Variants in PCDH7 observed in about 807,000 individuals in gnomAD.
PCDH7 encodes protocadherin 7.
PCDH7 carries 17 observed loss-of-function variants against 58.9 expected under a neutral mutation model. The observed-to-expected ratio is 0.29, with a 90% confidence interval of 0.20 to 0.43. PCDH7 has a LOEUF of 0.43. PCDH7 is among the 20% of genes least tolerant of loss of function. The pLI is 1.00. For synonymous variants in PCDH7, 664 were observed against 616.4 expected, an observed-to-expected ratio of 1.08 and a Z score of -1.14; for missense variants, 1,274 against 1,441.0, an observed-to-expected ratio of 0.88 and a Z score of 1.88.
At chr4:31,073,673 G>C (rs1383636333) in intron 3 of PCDH7, among the ~76,000 whole-genome samples, 2 of 152,152 alleles carry the variant, frequency 1.3e-5, no homozygotes, top group Non-Finnish European at 2.9e-5. Context: ...CACGGATCAA[G>C]ACTGAATACT....
chr4:30,905,557 T>C (rs1740811359), intron 1 of PCDH7, among the ~76,000 whole-genome samples: 1 of 152,196 alleles, frequency 6.6e-6, no homozygotes, highest in South Asian at 2.1e-4. Context: ...CCCAACTGGG[T>C]TTAATGCCTG....
intron 1 of PCDH7, among the ~76,000 whole-genome samples, chr4:30,728,829 A>G (rs1483730708): frequency 6.6e-6 from 1 of 150,828 alleles, no homozygotes; most frequent in African/African-American, 2.4e-5. Flanking sequence ...TATGTGAAAA[A>G]GTGTGAACAT....
At chr4:30,734,665 C>T (rs1297074445), downstream of PCDH7, among the ~76,000 whole-genome samples, 2 of 152,144 alleles carry the variant, frequency 1.3e-5, no homozygotes, top group Admixed American at 1.3e-4. Flanking sequence ...AGACATGAAG[C>T]TCAGAGGGAC....
chr4:30,721,398 G>T lies in PCDH7; in HGVS notation c.-25G>T, dbSNP rs117841610. On this transcript the variant is annotated 5_prime_UTR_variant, in exon 1 of 2. Coordinates refer to ENST00000361762, the Ensembl canonical transcript of PCDH7. This position sits in a 1 kb window ranked among gnomAD's most constrained non-coding sequence, Gnocchi z 6.7. ...GCCGAGGGGGCTGTGGTTAGAAGGA[G>T]CAGTAGCAGCAGCAGCAGGAGAAGA... 1.4e-6 allele frequency: 2 copies of T among 1,469,216 alleles called. No individual in the cohort carries two copies. Among genetic ancestry groups the T allele is most frequent in the Non-Finnish European group, 1.8e-6 (2 of 1,112,324 alleles). 91.0% of individuals were successfully genotyped at this position (1,469,216 alleles called of 1,614,324 possible).
chr4:31,120,510 G>C (rs1302650890), intron 3 of PCDH7, among the ~76,000 whole-genome samples: 1 of 141,424 alleles, frequency 7.1e-6, no homozygotes, highest in Non-Finnish European at 1.5e-5. Flanking sequence ...TAGGTATAAT[G>C]GAAAGAGGAG....
At chr4:30,736,599 G>T (rs1173911083), downstream of PCDH7, among the ~76,000 whole-genome samples, 5 of 147,648 alleles carry the variant, frequency 3.4e-5, no homozygotes, top group African/African-American at 1.0e-4. Flanking sequence ...GTAGTTCCGC[G>T]ATCTCGGCTC....
chr4:30,738,432 G>A (rs994676196), intron 1 of PCDH7, among the ~76,000 whole-genome samples: 1 of 150,664 alleles, frequency 6.6e-6, no homozygotes, highest in Non-Finnish European at 1.5e-5. Context: ...TCGTTTTTGT[G>A]AAAAATATAT....
chr4:31,032,331 G>A (rs1218037152), intron 3 of PCDH7, among the ~76,000 whole-genome samples: 1 of 152,152 alleles, frequency 6.6e-6, no homozygotes, highest in African/African-American at 2.4e-5. Context: ...TACATGGCTG[G>A]ACCTTGTGGC....
intron 1 of PCDH7, among the ~76,000 whole-genome samples, chr4:30,860,212 C>G (rs1023394991): frequency 3.9e-5 from 6 of 152,012 alleles, no homozygotes; most frequent in African/African-American, 7.2e-5. Context: ...AGTAATGGAG[C>G]ACCAGGTCTC....
chr4:31,037,308 A>T (rs1755497531), intron 3 of PCDH7, among the ~76,000 whole-genome samples: 1 of 152,230 alleles, frequency 6.6e-6, no homozygotes, highest in Admixed American at 6.5e-5. Context: ...ATTGTGAATT[A>T]AATTAAATAA....
chr4:31,118,600 T>C (rs1466735234), intron 3 of PCDH7, among the ~76,000 whole-genome samples: 1 of 152,152 alleles, frequency 6.6e-6, no homozygotes, highest in Non-Finnish European at 1.5e-5. Context: ...GTATCTAATT[T>C]CAAATCTGTT....
In PCDH7 at chr4:30,952,767, C is replaced by G. The variant is rs532540549; in HGVS notation, c.*7+2552C>G. ...TATGTTTTTAGGACTTTTTCTGTGA[C>G]AACAGTTTTTTTGAGAGCAAGATAC... On this transcript the variant is annotated intron_variant, in intron 3 of 3. Transcript: ENST00000509759. Among the ~76,000 whole-genome samples the G allele has an allele frequency of 4.5e-4, 69 of 152,164 alleles. 2 individuals are homozygous for G. In the South Asian group the frequency reaches 9.1e-3, roughly 20 times the overall value.
chr4:30,869,136 G>A (rs891585621), intron 1 of PCDH7: 2 of 151,990 alleles, frequency 1.3e-5, no homozygotes, highest in Non-Finnish European at 2.9e-5. Context: ...TCACGCAGCA[G>A]CATGCCACCC....
At chr4:30,981,284 A>T (rs1041507893) in intron 3 of PCDH7, among the ~76,000 whole-genome samples, 3 of 152,212 alleles carry the variant, frequency 2.0e-5, no homozygotes, top group Non-Finnish European at 4.4e-5. Context: ...AAGCTCAGTG[A>T]TCTATGCGTG....
intron 1 of PCDH7, among the ~76,000 whole-genome samples, chr4:30,874,330 T>G (rs887244378): frequency 6.6e-6 from 1 of 151,914 alleles, no homozygotes; most frequent in Non-Finnish European, 1.5e-5. Context: ...ATTAAGAAAA[T>G]GTGGCACATA....
At chr4:31,043,629 G>C (rs1189253777) in intron 3 of PCDH7, among the ~76,000 whole-genome samples, 2 of 151,912 alleles carry the variant, frequency 1.3e-5, no homozygotes, top group Non-Finnish European at 1.5e-5. Flanking sequence ...TTTTTAATGG[G>C]GTTTTTTGTT....
At chr4:30,743,727 TACACAC>T (rs112207547) in intron 1 of PCDH7, among the ~76,000 whole-genome samples, 2 of 148,972 alleles carry the variant, frequency 1.3e-5, no homozygotes, top group South Asian at 4.2e-4. Flanking sequence ...CTCTCATACA[TACACAC>T]ACACACACAC....
intron 2 of PCDH7, among the ~76,000 whole-genome samples, chr4:30,925,349 A>G (rs1259749015): frequency 1.3e-5 from 2 of 152,036 alleles, no homozygotes; most frequent in Admixed American, 6.5e-5. Context: ...CTGTCTCCCA[A>G]TTTTCAAGCA....
At chr4:31,130,720 G>C (rs1041224126) in intron 3 of PCDH7, among the ~76,000 whole-genome samples, 3 of 152,252 alleles carry the variant, frequency 2.0e-5, no homozygotes, top group Admixed American at 6.5e-5. Context: ...CCTGTTTCTG[G>C]AGCATGCCTA....
Sources: allele counts gnomAD v4.1 joint callset (sites outside exome capture counted in the v4.1 genomes callset), GRCh38; gene constraint gnomAD v4.1.1; non-coding constraint Gnocchi (gnomAD v3.1); transcripts MANE v1.5; gene names NCBI Gene and HGNC (gene_info 2026-07-23, HGNC 2026-07-21).